Variants in COL6A5 observed in about 807,000 individuals in gnomAD.
COL6A5 encodes collagen type VI alpha 5 chain.
In COL6A5, 48 loss-of-function variants were observed where a neutral mutation model predicts 65.6. That is an observed-to-expected ratio of 0.73 (90% confidence interval 0.58 to 0.93). The LOEUF is 0.93. Ranked by LOEUF, COL6A5 falls within the 40% of genes least tolerant of loss-of-function variation. The pLI, the probability that COL6A5 is intolerant of heterozygous loss-of-function variation, is 0.00. For missense variants in COL6A5, 914 were observed against 928.3 expected, an observed-to-expected ratio of 0.98 and a Z score of 0.20; for synonymous variants, 291 against 322.8, an observed-to-expected ratio of 0.90 and a Z score of 1.05.
At chr3:130,405,880 A>G in intron 14 of COL6A5, 113 bp from the exon 15 acceptor site, 1 of 1,080,680 alleles carries the variant, frequency 9.3e-7, no homozygotes, top group Non-Finnish European at 1.4e-6. Flanking sequence ...CTCTTTGTAG[A>G]TGTATAGCCC....
At chr3:130,431,346 A>C (rs1375915174), upstream of COL6A5, 11 of 1,121,930 alleles carry the variant, frequency 9.8e-6, no homozygotes, top group South Asian at 1.3e-5. Context: ...CTTTAGTTCT[A>C]GAGCTGGATG....
At chr3:130,471,101 T>TGTGTG in intron 7 of COL6A5, 134 bp downstream of exon 39, 8 of 665,746 alleles carry the variant, frequency 1.2e-5, no homozygotes, top group South Asian at 1.1e-4. Flanking sequence ...TGTGTGTGTG[T>TGTGTG]TTTAAATGCT....
chr3:130,382,996 G>T (rs1157759085), intron 4 of COL6A5, among the ~76,000 whole-genome samples: 1 of 152,078 alleles, frequency 6.6e-6, no homozygotes, highest in African/African-American at 2.4e-5. Context: ...ATCACAACAA[G>T]AGAGTTACTG....
chr3:130,363,162 C>T (rs1385538376), intron 1 of COL6A5, among the ~76,000 whole-genome samples: 1 of 152,132 alleles, frequency 6.6e-6, no homozygotes, highest in Admixed American at 6.5e-5. Context: ...CCTTACTTAG[C>T]ATATCAGTTA....
chr3:130,421,407 A>T, intron 27 of COL6A5, 47 bp downstream of exon 27: 1 of 1,524,770 alleles, frequency 6.6e-7, no homozygotes, highest in Non-Finnish European at 8.9e-7. Context: ...TTAACCTTCT[A>T]CTTGAGAACT....
rs141660959 is a variant in COL6A5 at position 130,431,964 on chromosome 3, T to C, written c.487+15T>C. ...AAGCTTTTGGGGTAAGAATTTCTCT[T>C]GGCAACTTCTTTAATTTTAAGATAG... On this transcript the variant is annotated intron_variant, in intron 1 of 7. Transcript: ENST00000512836. 9.1e-4 allele frequency: 1,411 copies of C among 1,545,570 alleles called. 29 individuals carry two copies. In the East Asian group the frequency reaches 0.03, roughly 33 times the overall value.
At chr3:130,434,401 G>A (rs547447542) in intron 1 of COL6A5, among the ~76,000 whole-genome samples, 15 of 152,260 alleles carry the variant, frequency 9.9e-5, no homozygotes, top group Non-Finnish European at 7.3e-5. Context: ...AAACATATGT[G>A]TGCATGACTC....
chr3:130,484,365 T>C (rs961990158), exon 8 of COL6A5: 12 of 406,832 alleles, frequency 2.9e-5, no homozygotes, highest in Non-Finnish European at 4.3e-5. Context: ...ATTTTGATGA[T>C]GTATCTGCCT....
At chr3:130,373,666 C>A in exon 2 of COL6A5, 1 of 1,542,034 alleles carries the variant, frequency 6.5e-7, no homozygotes, top group Non-Finnish European at 8.8e-7. Flanking sequence ...TATATTTGTC[C>A]TAATCATTTG....
chr3:130,465,908 A>G (rs1424890455), intron 5 of COL6A5, among the ~76,000 whole-genome samples: 1 of 152,092 alleles, frequency 6.6e-6, no homozygotes, highest in Non-Finnish European at 1.5e-5. Flanking sequence ...TAAGAGGAAC[A>G]ATGCACTGAA....
chr3:130,365,774 T>C (rs1194812895), intron 1 of COL6A5, among the ~76,000 whole-genome samples: 1 of 152,108 alleles, frequency 6.6e-6, no homozygotes, highest in African/African-American at 2.4e-5. Flanking sequence ...TGGCTGCACA[T>C]TGGAATCACC....
intron 1 of COL6A5, among the ~76,000 whole-genome samples, chr3:130,361,713 T>C (rs1362575943): frequency 6.6e-6 from 1 of 152,144 alleles, no homozygotes; most frequent in Non-Finnish European, 1.5e-5. Context: ...TGAGAGTTCC[T>C]ATTGTTTCAC....
chr3:130,456,957 T>C (rs1472775021), intron 5 of COL6A5, among the ~76,000 whole-genome samples: 6 of 152,042 alleles, frequency 3.9e-5, no homozygotes, highest in Non-Finnish European at 7.4e-5. Flanking sequence ...AGACAATCAT[T>C]AGTTGAAAAA....
chr3:130,440,182 T>G, exon 3 of COL6A5: 1 of 1,611,426 alleles, frequency 6.2e-7, no homozygotes, highest in Non-Finnish European at 8.5e-7. Flanking sequence ...GTTTTCCAAA[T>G]GCTTGCATTC....
intron 24 of COL6A5, among the ~76,000 whole-genome samples, chr3:130,417,165 A>C (rs1321656711): frequency 6.6e-6 from 1 of 151,812 alleles, no homozygotes; most frequent in Non-Finnish European, 1.5e-5. Flanking sequence ...ACTCCCACTT[A>C]TGAGTGAGAA....
intron 4 of COL6A5, among the ~76,000 whole-genome samples, chr3:130,449,642 C>G (rs780223712): frequency 2.0e-5 from 3 of 152,092 alleles, no homozygotes; most frequent in African/African-American, 7.2e-5. Context: ...CTTTTTTCCT[C>G]GAATGTGTAT....
intron 1 of COL6A5, among the ~76,000 whole-genome samples, chr3:130,435,274 T>G (rs1262788970): frequency 6.6e-6 from 1 of 152,130 alleles, no homozygotes. Context: ...ACTTCTGAGG[T>G]CTCTATTCTG....
chr3:130,350,376 GTT>G (rs1934656918), intron 1 of COL6A5, among the ~76,000 whole-genome samples: 1 of 152,196 alleles, frequency 6.6e-6, no homozygotes, highest in South Asian at 2.1e-4. Flanking sequence ...AATTGTCCCT[GTT>G]TGCAGATGAA....
intron 4 of COL6A5, among the ~76,000 whole-genome samples, chr3:130,449,844 C>A (rs995395233): frequency 1.8e-4 from 27 of 152,198 alleles, no homozygotes; most frequent in Non-Finnish European, 2.6e-4. Flanking sequence ...AATTTAATCT[C>A]ATCAACGGAA....
Sources: gnomAD v4.1 joint callset for allele counts (sites outside exome capture counted in the v4.1 genomes callset) on GRCh38, gnomAD v4.1.1 for gene constraint, MANE v1.5 for transcripts, NCBI Gene and HGNC (gene_info 2026-07-23, HGNC 2026-07-21) for gene names.